The following AKAP12 variants were observed in gnomAD, a reference collection of about 807,000 sequenced individuals.
AKAP12 encodes A-kinase anchor protein 12.
AKAP12 carries 32 observed loss-of-function variants against 79.9 expected under a neutral mutation model. The ratio of observed to expected loss-of-function variants is 0.40; its 90% CI spans 0.30 to 0.54. AKAP12 has a LOEUF of 0.54. AKAP12 is among the 20% of genes least tolerant of loss of function. The pLI, the probability that AKAP12 is intolerant of heterozygous loss-of-function variation, is 0.48. For missense variants in AKAP12, 2,074 were observed against 2,177.0 expected (o/e 0.95, Z 0.94); for synonymous variants, 808 against 857.0 (o/e 0.94, Z 1.00).
At chr6:151,343,988 A>G in intron 3 of AKAP12, 1 of 443,566 alleles carries the variant, frequency 2.3e-6, no homozygotes, top group East Asian at 7.0e-5. Context: ...AGTAGTTTAA[A>G]TCGTCGATGT....
intron 3 of AKAP12, chr6:151,325,604 C>T (rs921417284): frequency 1.2e-4 from 118 of 978,378 alleles, no homozygotes; most frequent in Non-Finnish European, 1.6e-4. Flanking sequence ...CGCCAGCCCG[C>T]GTGTGGGTGG....
At chr6:151,263,787 C>T (rs1180662411) in intron 2 of AKAP12, among the ~76,000 whole-genome samples, 1 of 152,120 alleles carries the variant, frequency 6.6e-6, no homozygotes, top group Non-Finnish European at 1.5e-5. Context: ...CCATGTTGGC[C>T]AGGCTAGTCT....
At position 151,337,524 on chromosome 6, in the gene AKAP12, A is replaced by AGAAAG. The variant is rs1554331950; in HGVS notation, c.320-11187_320-11186insGAAAG. Among the ~76,000 whole-genome samples, 120 of 129,810 alleles carry AGAAAG rather than the reference A, an allele frequency of 9.2e-4. 1 individual carries two copies. The highest frequency in any genetic ancestry group is 3.9e-3 in the African/African-American group (114 of 29,060). The allele number at this position is 129,810 out of a possible 152,430, so 85.2% of individuals were successfully genotyped here. On this transcript the variant is annotated intron_variant, in intron 3 of 4. Coordinates refer to ENST00000402676, the MANE Select transcript of AKAP12 (RefSeq NM_005100.4). ...GAGTTTCCGTCTCGAAAAAAAAAAA[A>AGAAAG]AAAGAAAGAAAGAAAGATAACTGTA...
intron 3 of AKAP12, among the ~76,000 whole-genome samples, chr6:151,345,742 A>G (rs1381280110): frequency 1.3e-5 from 2 of 151,300 alleles, no homozygotes; most frequent in Non-Finnish European, 2.9e-5. Context: ...GGTTGCAGTG[A>G]GCCCAGATCA....
At chr6:151,355,538 T>C (rs1778419663) in intron 4 of AKAP12, among the ~76,000 whole-genome samples, 189 bp from the exon 5 acceptor site, 1 of 151,902 alleles carries the variant, frequency 6.6e-6, no homozygotes, top group South Asian at 2.1e-4. Context: ...CTTTACCTCA[T>C]GATCTGCCCT....
intron 3 of AKAP12, chr6:151,324,587 T>C (rs1185660159): frequency 2.0e-6 from 2 of 985,314 alleles, no homozygotes; most frequent in African/African-American, 1.7e-5. Context: ...GAACAAGATC[T>C]TCATTCTCTG....
chr6:151,314,021 C>T (rs1777180426), intron 3 of AKAP12, among the ~76,000 whole-genome samples: 1 of 150,688 alleles, frequency 6.6e-6, no homozygotes, highest in Non-Finnish European at 1.5e-5. Flanking sequence ...ACTTTTATGG[C>T]TTTTCTAATT....
chr6:151,328,221 G>T (rs1379547387), intron 3 of AKAP12, among the ~76,000 whole-genome samples: 3 of 151,782 alleles, frequency 2.0e-5, no homozygotes, highest in Non-Finnish European at 1.5e-5. Flanking sequence ...CCAGCTACTT[G>T]GGAGGCTGAG....
chr6:151,297,730 C>T (rs1582864415), intron 2 of AKAP12, among the ~76,000 whole-genome samples: 1 of 152,114 alleles, frequency 6.6e-6, no homozygotes, highest in East Asian at 1.9e-4. Flanking sequence ...GATGTGTCGC[C>T]TCTACCGAGC....
At chr6:151,268,518 G>T (rs1346786826) in intron 2 of AKAP12, among the ~76,000 whole-genome samples, 1 of 152,190 alleles carries the variant, frequency 6.6e-6, no homozygotes, top group African/African-American at 2.4e-5. Context: ...GATTTAGCAT[G>T]AATCTGTTCT....
At chr6:151,298,873 G>C (rs1181340240) in intron 2 of AKAP12, 1 of 151,944 alleles carries the variant, frequency 6.6e-6, no homozygotes, top group Admixed American at 6.6e-5. Flanking sequence ...GTGTAGGGTT[G>C]TATACCGACT....
chr6:151,261,431 C>T (rs1008979454), intron 2 of AKAP12, among the ~76,000 whole-genome samples: 5 of 151,674 alleles, frequency 3.3e-5, no homozygotes, highest in African/African-American at 9.7e-5. Context: ...TGGCTCACTC[C>T]TGTAATCCCA....
At chr6:151,274,056 C>CA (rs1257796641) in intron 2 of AKAP12, among the ~76,000 whole-genome samples, 1 of 148,922 alleles carries the variant, frequency 6.7e-6, no homozygotes, top group South Asian at 2.2e-4. Context: ...AGAATGAGGT[C>CA]AAAATGGTTT....
chr6:151,342,081 C>G (rs1777967165), intron 3 of AKAP12, among the ~76,000 whole-genome samples: 1 of 152,198 alleles, frequency 6.6e-6, no homozygotes. Context: ...GCTGTGGCTG[C>G]GGTCAGCTGG....
intron 2 of AKAP12, among the ~76,000 whole-genome samples, chr6:151,295,269 G>A (rs1445520863): frequency 6.6e-6 from 1 of 152,166 alleles, no homozygotes; most frequent in African/African-American, 2.4e-5. Flanking sequence ...GAATATTAAT[G>A]TTCAATGGAA....
rs1284687606 is a variant in AKAP12 at position 151,357,745 on chromosome 6, GAAA to G, written c.*2032_*2034del. The G allele has an allele frequency of 9.6e-6, 1 of 104,492 alleles. No homozygotes were observed. Among genetic ancestry groups the G allele is most frequent in the African/African-American group, 3.7e-5 (1 of 27,164 alleles). The allele number at this position is 104,492 out of a possible 1,614,324, so 6.5% of individuals were successfully genotyped here. A position where few individuals can be genotyped will look rare whatever the true frequency, so the allele number is the denominator to read the frequency against. On this transcript the variant is annotated 3_prime_UTR_variant, in exon 5 of 5. Transcript: ENST00000402676. ...TTTTTTTTTTTGGCCAACTGAGATT[GAAA>G]TCCAAGTGCTGGTTTCTAGTTCTGA...
At chr6:151,327,845 A>G (rs1757287708) in intron 3 of AKAP12, among the ~76,000 whole-genome samples, 1 of 152,240 alleles carries the variant, frequency 6.6e-6, no homozygotes, top group Non-Finnish European at 1.5e-5. Context: ...GTAAGAAGAA[A>G]GTGCACAGAA....
At chr6:151,320,296 T>A (rs1777344561) in intron 3 of AKAP12, among the ~76,000 whole-genome samples, 1 of 151,870 alleles carries the variant, frequency 6.6e-6, no homozygotes, top group Admixed American at 6.6e-5. Flanking sequence ...TTGTTTTTGT[T>A]TTTTATAGAG....
chr6:151,271,808 T>TG (rs1317982414), intron 2 of AKAP12, among the ~76,000 whole-genome samples: 5 of 151,988 alleles, frequency 3.3e-5, no homozygotes, highest in Non-Finnish European at 5.9e-5. Flanking sequence ...TACAGGCGCT[T>TG]GCCACCACGC....
Sources: allele counts gnomAD v4.1 joint callset (sites outside exome capture counted in the v4.1 genomes callset), GRCh38; gene constraint gnomAD v4.1.1; transcripts MANE v1.5; gene names NCBI Gene and HGNC (gene_info 2026-07-23, HGNC 2026-07-21).